The following DUSP5 variants were observed in gnomAD, a reference collection of about 807,000 sequenced individuals.
DUSP5 encodes the protein dual specificity protein phosphatase 5.
Under a neutral mutation model 33.6 loss-of-function variants are expected in DUSP5, and 22 were observed. The observed-to-expected ratio is 0.66, with a 90% confidence interval of 0.47 to 0.94. The LOEUF (loss-of-function observed/expected upper bound fraction) is 0.94, where lower values mean the gene tolerates loss of function less well. Ranked by LOEUF, DUSP5 falls within the 40% of genes least tolerant of loss-of-function variation. The probability of loss-of-function intolerance (pLI) is 0.00; values close to 1 mark genes in which losing one functional copy is unlikely to be tolerated. For synonymous variants in DUSP5, 270 were observed against 231.1 expected, an observed-to-expected ratio of 1.17 and a Z score of -1.53; for missense variants, 551 against 522.1, an observed-to-expected ratio of 1.06 and a Z score of -0.54.
rs1423455479 is a variant in DUSP5, at chr10:110,498,323, G to A, written c.202G>A (p.Asp68Asn). ...GAVSARYVLP[D>N]EAARARLLQE... is the part of the protein sequence containing the mutation. ...GGTGTCGGCGCGCTACGTGCTGCCC[G>A]ACGAGGCGGCGCGCGCGCGGCTCCT... Residue 68 changes from aspartate (D) to asparagine (N), a missense_variant, in exon 1 of 4, where the codon GAC becomes AAC. Transcript: ENST00000369583. 2 of 1,365,890 alleles carry A rather than the reference G, an allele frequency of 1.5e-6. No homozygotes were observed. The highest frequency in any genetic ancestry group is 9.4e-7 in the Non-Finnish European group (1 of 1,062,596). 84.6% of individuals were successfully genotyped at this position (1,365,890 alleles called of 1,614,324 possible).
At chr10:110,508,733 ACT>A (rs1216557924) in intron 3 of DUSP5, among the ~76,000 whole-genome samples, 1 of 152,118 alleles carries the variant, frequency 6.6e-6, no homozygotes, top group African/African-American at 2.4e-5. Flanking sequence ...TAGGAGCCCG[ACT>A]CTGTAATTCT....
intron 1 of DUSP5, 88 bp from the exon 2 acceptor site, chr10:110,502,633 C>G (rs1029208834): frequency 4.7e-6 from 7 of 1,482,186 alleles, no homozygotes; most frequent in Non-Finnish European, 3.7e-6. Flanking sequence ...CTGTGTAACA[C>G]TCAGAGTATT....
intron 1 of DUSP5, among the ~76,000 whole-genome samples, chr10:110,501,965 TG>T (rs113343885): frequency 0.016 from 2,196 of 133,336 alleles, 45 homozygotes; most frequent in African/African-American, 0.048. Context: ...ACTTATTGAT[TG>T]GGGGGGGGGT....
intron 3 of DUSP5, 97 bp downstream of exon 3, chr10:110,507,251 GAA>G: frequency 7.7e-7 from 1 of 1,292,290 alleles, no homozygotes; most frequent in Non-Finnish European, 1.1e-6. Context: ...TTCACTGAAA[GAA>G]AAGTGTCTTG....
chr10:110,501,109 C>G (rs1286892743), intron 1 of DUSP5, among the ~76,000 whole-genome samples: 1 of 152,162 alleles, frequency 6.6e-6, no homozygotes, highest in South Asian at 2.1e-4. Context: ...CCCATAATGT[C>G]GAGGTCCAGG....
intron 1 of DUSP5, among the ~76,000 whole-genome samples, chr10:110,501,148 C>T (rs1860042425): frequency 6.6e-6 from 1 of 152,178 alleles, no homozygotes; most frequent in Non-Finnish European, 1.5e-5. Context: ...GGTTTACTGA[C>T]TAGGGATGCC....
intron 3 of DUSP5, among the ~76,000 whole-genome samples, chr10:110,508,288 ACC>A (rs1860143262): frequency 6.6e-6 from 1 of 151,808 alleles, no homozygotes; most frequent in South Asian, 2.1e-4. Flanking sequence ...AGGGTGGGAA[ACC>A]CTTGACTTGT....
rs1361174296 is a variant in DUSP5 at position 110,507,053 on chromosome 10, C to T, written c.647C>T (p.Ser216Phe). 1 of 1,614,128 alleles carries T rather than the reference C, an allele frequency of 6.2e-7. No homozygotes were observed. The highest frequency in any genetic ancestry group is 8.5e-7 in the Non-Finnish European group (1 of 1,180,062). ...TALLNVSRRTSEACATHLHYK... is the reference protein window; with the variant it reads ...TALLNVSRRTFEACATHLHYK... The stretch of plus-strand genomic sequence containing the variant: ...CTGCTGAATGTCTCCCGACGGACCT[C>T]CGAGGCCTGCGCGACCCACCTACAC... Residue 216 changes from serine (S) to phenylalanine (F), a missense_variant, in exon 3 of 4, where the codon TCC becomes TTC. Ser to Phe is a radical substitution (Grantham distance 155). Transcript: ENST00000369583.
At position 110,507,043 on chromosome 10, in the gene DUSP5, C is replaced by T. The variant is rs1472484247; in HGVS notation, c.637C>T (p.Arg213Ter). 8.7e-6 allele frequency: 14 copies of T among 1,614,242 alleles called. No homozygotes were observed. The highest frequency in any genetic ancestry group is 1.1e-5 in the South Asian group (1 of 91,088). ...LHITALLNVS[R>*]RTSEACATHL... ...CATCACAGCCCTGCTGAATGTCTCC[C>T]GACGGACCTCCGAGGCCTGCGCGAC... The change falls in exon 3 of 4, where the codon CGA (arginine) becomes TGA (stop). Residue 213 changes from arginine to a stop codon, truncating the protein, a stop_gained. Coordinates refer to ENST00000369583, the MANE Select transcript of DUSP5 (RefSeq NM_004419.4). LOFTEE classifies it high-confidence loss of function.
At chr10:110,505,439 TA>T (rs1230881034) in intron 2 of DUSP5, among the ~76,000 whole-genome samples, 5 of 152,240 alleles carry the variant, frequency 3.3e-5, no homozygotes, top group Non-Finnish European at 5.9e-5. Flanking sequence ...GTTATTACCG[TA>T]TGTAAAATCT....
At chr10:110,509,374 G>A (rs1354948331) in intron 3 of DUSP5, among the ~76,000 whole-genome samples, 1 of 152,206 alleles carries the variant, frequency 6.6e-6, no homozygotes, top group South Asian at 2.1e-4. Flanking sequence ...CTTAGCCAGG[G>A]CTATAATTAG....
chr10:110,504,216 T>TAAA (rs1419271430), intron 2 of DUSP5, among the ~76,000 whole-genome samples: 1 of 152,236 alleles, frequency 6.6e-6, no homozygotes, highest in Non-Finnish European at 1.5e-5. Flanking sequence ...GCACGGCACA[T>TAAA]CTTTGGCCAA....
At position 110,498,222 on chromosome 10, in the gene DUSP5, T is replaced by TC. The variant is rs779626385; in HGVS notation, c.102dup (p.Ala35ArgfsTer96). 6.6e-7 allele frequency: 1 copy of TC among 1,514,196 alleles called. No individual in the cohort carries two copies. The highest frequency in any genetic ancestry group is 1.2e-5 in the South Asian group (1 of 85,736). 93.8% of individuals were successfully genotyped at this position (1,514,196 alleles called of 1,614,324 possible). The stretch of plus-strand genomic sequence containing the variant: ...CTCGACTGCCGGCCCTATCTGGCCT[T>TC]CGCTGCCTCGAACGTGCGCGGCTCG... On this transcript the variant is annotated frameshift_variant, in exon 1 of 4. Coordinates refer to ENST00000369583, the MANE Select transcript of DUSP5 (RefSeq NM_004419.4). LOFTEE classifies it high-confidence loss of function.
At chr10:110,500,339 C>CT (rs1165254349) in intron 1 of DUSP5, among the ~76,000 whole-genome samples, 1 of 152,234 alleles carries the variant, frequency 6.6e-6, no homozygotes, top group Non-Finnish European at 1.5e-5. Context: ...TCCATGTGCT[C>CT]TTGCGTGTGC....
At position 110,507,123 on chromosome 10, in the gene DUSP5, C is replaced by T. The variant is rs1860128877; in HGVS notation, c.717C>T (p.Ser239=). Residue 239 remains serine, a synonymous_variant, in exon 3 of 4, where the codon AGC becomes AGT. Transcript: ENST00000369583. ...AAGACAGCCACACGGCTGACATTAG[C>T]TCCCACTTTCAAGAAGCAATAGACT... ...PVEDSHTADI[S]SHFQEAIDFI... is the part of the protein sequence containing the mutation. 2 of 1,613,874 alleles carry T rather than the reference C, an allele frequency of 1.2e-6. No homozygotes were observed. The highest frequency in any genetic ancestry group is 2.2e-5 in the East Asian group (1 of 44,894).
At position 110,498,160 on chromosome 10, in the gene DUSP5, G is replaced by A. The variant is rs1450426838; in HGVS notation, c.39G>A (p.Lys13=). 6.8e-7 allele frequency: 1 copy of A among 1,480,052 alleles called. No homozygotes were observed. 91.7% of individuals were successfully genotyped at this position (1,480,052 alleles called of 1,614,324 possible). A position where few individuals can be genotyped will look rare whatever the true frequency, so the allele number is the denominator to read the frequency against. The change falls in exon 1 of 4, where the codon AAG becomes AAA. Residue 13 remains lysine (K), a synonymous_variant. Transcript: ENST00000369583. The stretch of plus-strand genomic sequence containing the variant: ...CGCTCGACGGGCGCCAGCTGCGCAA[G>A]ATGCTCCGCAAGGAGGCGGCGGCGC... ...VTSLDGRQLR[K]MLRKEAAARC...
chr10:110,502,589 A>G, intron 1 of DUSP5, 132 bp from the exon 2 acceptor site: 4 of 1,074,664 alleles, frequency 3.7e-6, no homozygotes, highest in Non-Finnish European at 3.9e-6. Context: ...ATTTTTAATG[A>G]CCAGAATCTG....
At chr10:110,505,047 G>T (rs560965931) in intron 2 of DUSP5, among the ~76,000 whole-genome samples, 1 of 152,346 alleles carries the variant, frequency 6.6e-6, no homozygotes, top group East Asian at 1.9e-4. Context: ...TGCTCTGTAC[G>T]CATGGAAGTT....
chr10:110,507,665 T>G (rs936403067), intron 3 of DUSP5, among the ~76,000 whole-genome samples: 5 of 152,246 alleles, frequency 3.3e-5, no homozygotes, highest in Admixed American at 3.3e-4. Context: ...AGATAGCACT[T>G]GACTCAAGCT....
Sources: gnomAD v4.1 joint callset for allele counts (sites outside exome capture counted in the v4.1 genomes callset) on GRCh38, gnomAD v4.1.1 for gene constraint, MANE v1.5 for transcripts, NCBI Gene and HGNC (gene_info 2026-07-23, HGNC 2026-07-21) for gene names.